Variants in DISC1 observed in about 807,000 individuals in gnomAD.
The protein encoded by DISC1 is DISC1 scaffold protein.
A neutral mutation model predicts 84.5 loss-of-function variants in DISC1; 57 were observed. That is an observed-to-expected ratio of 0.67 (90% CI 0.55 to 0.84). The LOEUF is 0.84. Ranked by LOEUF, DISC1 falls within the 40% of genes least tolerant of loss-of-function variation. The probability of loss-of-function intolerance (pLI) is 0.00; values close to 1 mark genes in which losing one functional copy is unlikely to be tolerated. For synonymous variants in DISC1, 411 were observed against 415.2 expected, an observed-to-expected ratio of 0.99 and a Z score of 0.12; for missense variants, 1,000 against 1,057.8, an observed-to-expected ratio of 0.95 and a Z score of 0.76.
intron 6 of DISC1, among the ~76,000 whole-genome samples, chr1:231,794,818 G>T (rs1169364918): frequency 1.3e-5 from 2 of 152,138 alleles, no homozygotes; most frequent in African/African-American, 2.4e-5. Flanking sequence ...AATGCAGAGG[G>T]CTCTGGGTAC....
chr1:231,736,121 T>C (rs1374623349), intron 3 of DISC1, among the ~76,000 whole-genome samples: 3 of 152,172 alleles, frequency 2.0e-5, no homozygotes, highest in African/African-American at 7.2e-5. Flanking sequence ...GCCCCATTCA[T>C]TTATTTATTC....
At chr1:231,996,091 G>A (rs1436266134) in intron 10 of DISC1, among the ~76,000 whole-genome samples, 2 of 152,242 alleles carry the variant, frequency 1.3e-5, no homozygotes, top group African/African-American at 4.8e-5. Context: ...CTGATGGCCA[G>A]TGATGATGAG....
chr1:231,646,249 C>T (rs1017317131), intron 1 of DISC1, among the ~76,000 whole-genome samples: 8 of 151,660 alleles, frequency 5.3e-5, no homozygotes, highest in African/African-American at 1.7e-4. Flanking sequence ...TGAGAACATG[C>T]GGTGTTTGAT....
rs546428506 is a variant in DISC1, at chr1:231,737,948, C to T, written c.1118-11978C>T. 2.6e-5 allele frequency among the ~76,000 whole-genome samples: 4 copies of T among 152,308 alleles called. No homozygotes were observed. In the East Asian group the frequency reaches 7.7e-4, roughly 29 times the overall value. Reference sequence around the variant, plus strand: ...CATCGGCTCTCTGCAACCTCTGCCTCCTGGGCTCAAGCCATCCTCCCACCT... The same window carrying T: ...CATCGGCTCTCTGCAACCTCTGCCTTCTGGGCTCAAGCCATCCTCCCACCT... On this transcript the variant is annotated intron_variant, in intron 3 of 12. Transcript: ENST00000439617.
chr1:231,894,580 C>T (rs2087529758), intron 9 of DISC1, among the ~76,000 whole-genome samples: 2 of 151,774 alleles, frequency 1.3e-5, no homozygotes, highest in Admixed American at 6.6e-5. Flanking sequence ...GTATTTTCTT[C>T]TAATTTAAAA....
chr1:231,825,946 C>G (rs2081833493), intron 9 of DISC1, among the ~76,000 whole-genome samples: 1 of 152,190 alleles, frequency 6.6e-6, no homozygotes, highest in Non-Finnish European at 1.5e-5. Context: ...GCACAGATTT[C>G]TGTATGCACA....
At position 232,031,834 on chromosome 1, in the gene DISC1, A is replaced by G. The variant is rs1215518194; in HGVS notation, c.2426-4858A>G. 1.3e-5 allele frequency among the ~76,000 whole-genome samples: 2 copies of G among 152,148 alleles called. No homozygotes were observed. The highest frequency in any genetic ancestry group is 1.3e-4 in the Admixed American group (2 of 15,276). ...TCAAGGTTTTCCTCTTTGCTCTTGA[A>G]AGACTGTGATCCTCATGGCTTTTCC... On this transcript the variant is annotated intron_variant, in intron 12 of 12. Coordinates refer to ENST00000439617, the MANE Select transcript of DISC1 (RefSeq NM_018662.3). The surrounding 1 kb of genome is among the most constrained non-coding windows in gnomAD (Gnocchi z 4.6).
chr1:231,640,787 C>G (rs2059578054), intron 1 of DISC1, among the ~76,000 whole-genome samples: 1 of 152,200 alleles, frequency 6.6e-6, no homozygotes, highest in Non-Finnish European at 1.5e-5. Context: ...CCTCCTGCCT[C>G]TGTCTCCCAA....
intron 10 of DISC1, among the ~76,000 whole-genome samples, chr1:232,005,042 A>C (rs115350370): frequency 0.01 from 526 of 51,294 alleles, no homozygotes; most frequent in Admixed American, 0.025. Context: ...CCCTCCCTCC[A>C]TCCTTCCTTC....
intron 9 of DISC1, among the ~76,000 whole-genome samples, chr1:231,868,810 A>C (rs2085252482): frequency 6.7e-6 from 1 of 149,070 alleles, no homozygotes; most frequent in African/African-American, 2.5e-5. Context: ...GCTCAAGCTC[A>C]GGAGTTTGAG....
chr1:231,975,944 A>C (rs1662734815), intron 10 of DISC1, among the ~76,000 whole-genome samples: 1 of 152,248 alleles, frequency 6.6e-6, no homozygotes. Context: ...TGCATGTAAC[A>C]AAATTGCCCT....
intron 3 of DISC1, among the ~76,000 whole-genome samples, chr1:231,721,722 G>A (rs1424655799): frequency 6.6e-6 from 1 of 152,124 alleles, no homozygotes; most frequent in Non-Finnish European, 1.5e-5. Context: ...TGAAAGGGAA[G>A]CTTCATCCAG....
intron 6 of DISC1, among the ~76,000 whole-genome samples, chr1:231,785,887 C>T (rs1047567966): frequency 2.6e-5 from 4 of 152,180 alleles, no homozygotes; most frequent in African/African-American, 9.7e-5. Context: ...CTGCAGGGAG[C>T]AGGCCGTTTG....
chr1:231,881,484 A>G (rs761834832), intron 9 of DISC1, among the ~76,000 whole-genome samples: 2 of 151,996 alleles, frequency 1.3e-5, no homozygotes, highest in African/African-American at 2.4e-5. Flanking sequence ...ACCCAGTCAT[A>G]TTGGATTAGG....
chr1:231,901,672 A>G (rs192638362), intron 9 of DISC1, among the ~76,000 whole-genome samples: 121 of 152,334 alleles, frequency 7.9e-4, no homozygotes, highest in African/African-American at 2.9e-3. Flanking sequence ...CAATGATGCC[A>G]TCATCTTCTG....
intron 1 of DISC1, among the ~76,000 whole-genome samples, chr1:231,633,194 G>C (rs2058885604): frequency 6.6e-6 from 1 of 152,168 alleles, no homozygotes; most frequent in African/African-American, 2.4e-5. Context: ...AACGTTTATT[G>C]AGTGGCTACT....
intron 12 of DISC1, among the ~76,000 whole-genome samples, chr1:232,029,071 A>G (rs536664745): frequency 6.6e-6 from 1 of 152,328 alleles, no homozygotes; most frequent in Non-Finnish European, 1.5e-5. Context: ...GGTCTGTTCC[A>G]TGGAACACAC....
rs1572977756 is a variant in DISC1 at position 231,698,629 on chromosome 1, A to G, written c.1048-3326A>G. Among the ~76,000 whole-genome samples, 1 of 152,156 alleles carries G rather than the reference A, an allele frequency of 6.6e-6. No homozygotes were observed. The highest frequency in any genetic ancestry group is 1.5e-5 in the Non-Finnish European group (1 of 68,032). ...TTCAGGGCCTTATAGAGATCACTGG[A>G]CGAGGTGGGCATCGTGGGGTGGGCT... On this transcript the variant is annotated intron_variant, in intron 2 of 12. Transcript: ENST00000439617. This position sits in a 1 kb window ranked among gnomAD's most constrained non-coding sequence, Gnocchi z 4.9.
chr1:231,809,406 T>C (rs2080056384), intron 8 of DISC1, among the ~76,000 whole-genome samples: 1 of 151,830 alleles, frequency 6.6e-6, no homozygotes, highest in African/African-American at 2.4e-5. Flanking sequence ...GATATATTTT[T>C]TTTTTATCTC....
Sources: gnomAD v4.1 joint callset for allele counts (sites outside exome capture counted in the v4.1 genomes callset) on GRCh38, gnomAD v4.1.1 for gene constraint, Gnocchi (gnomAD v3.1) non-coding constraint, MANE v1.5 for transcripts, NCBI Gene and HGNC (gene_info 2026-07-23, HGNC 2026-07-21) for gene names.